The following PRKG1 variants were observed in gnomAD, a reference collection of about 807,000 sequenced individuals.
The protein encoded by PRKG1 is cGMP-dependent protein kinase 1.
In PRKG1, 35 loss-of-function variants were observed where a neutral mutation model predicts 88.1. The ratio of observed to expected loss-of-function variants is 0.40; its 90% confidence interval spans 0.30 to 0.53. The LOEUF (loss-of-function observed/expected upper bound fraction) is 0.53. Among genes scored for constraint, PRKG1 ranks in the 20% least tolerant of loss-of-function variants. PRKG1 has a pLI of 0.59. For missense variants in PRKG1, 540 were observed against 839.8 expected (o/e 0.64, Z 4.41); for synonymous variants, 303 against 292.5 (o/e 1.04, Z -0.37).
intron 3 of PRKG1, among the ~76,000 whole-genome samples, chr10:51,793,902 C>T (rs1838938375): frequency 6.6e-6 from 1 of 152,048 alleles, no homozygotes; most frequent in Admixed American, 6.6e-5. Context: ...GGTGGGATTA[C>T]AGGCATAAGC....
At chr10:51,722,476 G>A (rs10823465) in intron 3 of PRKG1, among the ~76,000 whole-genome samples, 66,913 of 151,310 alleles carry the variant, frequency 0.44, 15,398 homozygotes, top group Middle Eastern at 0.56. Context: ...TTTATATTAT[G>A]TTGATACTTA....
At chr10:51,483,015 T>C (rs865891120) in intron 3 of PRKG1, among the ~76,000 whole-genome samples, 207 of 145,944 alleles carry the variant, frequency 1.4e-3, no homozygotes, top group African/African-American at 4.7e-3. Flanking sequence ...CTTTCTTTTT[T>C]TTTTTTTTTT....
At chr10:51,374,112 A>ATATATATATATATGTG (rs886440031) in intron 2 of PRKG1, among the ~76,000 whole-genome samples, 23 of 143,798 alleles carry the variant, frequency 1.6e-4, no homozygotes, top group African/African-American at 5.8e-4. Context: ...ATATATATAT[A>ATATATATATATATGTG]TGTACTTTAA....
At chr10:51,811,349 C>T (rs1839450848) in intron 4 of PRKG1, among the ~76,000 whole-genome samples, 2 of 152,106 alleles carry the variant, frequency 1.3e-5, no homozygotes, top group African/African-American at 2.4e-5. Context: ...AAAGCCCTTA[C>T]AAGCTTTTCC....
chr10:51,622,772 C>T (rs1023025409), intron 3 of PRKG1, among the ~76,000 whole-genome samples: 1 of 152,148 alleles, frequency 6.6e-6, no homozygotes, highest in Non-Finnish European at 1.5e-5. Context: ...TTTTGGCCAT[C>T]AGACTTTGTC....
chr10:51,622,496 A>G (rs143667463), intron 3 of PRKG1, among the ~76,000 whole-genome samples: 55 of 152,324 alleles, frequency 3.6e-4, no homozygotes, highest in African/African-American at 1.3e-3. Context: ...CAGTCACCCA[A>G]ACTTTCTGCT....
At chr10:51,331,760 A>T (rs1019648011) in intron 2 of PRKG1, among the ~76,000 whole-genome samples, 9 of 152,206 alleles carry the variant, frequency 5.9e-5, no homozygotes, top group African/African-American at 2.2e-4. Context: ...ATCACTGGAG[A>T]GTTCCACTCC....
At chr10:51,611,856 G>A (rs1251888490) in intron 3 of PRKG1, among the ~76,000 whole-genome samples, 2 of 151,960 alleles carry the variant, frequency 1.3e-5, no homozygotes, top group Non-Finnish European at 2.9e-5. Flanking sequence ...TCTGCATATG[G>A]TTAACCAGTT....
At chr10:51,978,886 A>G (rs1488318438) in intron 5 of PRKG1, among the ~76,000 whole-genome samples, 1 of 152,090 alleles carries the variant, frequency 6.6e-6, no homozygotes, top group Non-Finnish European at 1.5e-5. Context: ...TTCTAGGTAT[A>G]GGATTATGTC....
intron 1 of PRKG1, among the ~76,000 whole-genome samples, chr10:51,149,632 A>G (rs1289934109): frequency 1.3e-5 from 2 of 152,180 alleles, no homozygotes; most frequent in Non-Finnish European, 2.9e-5. Context: ...AGAAAGGATT[A>G]TCATGTTGGT....
chr10:52,023,916 A>G (rs1447858595), intron 5 of PRKG1, among the ~76,000 whole-genome samples: 2 of 152,210 alleles, frequency 1.3e-5, no homozygotes, highest in Non-Finnish European at 2.9e-5. Flanking sequence ...CTTTAGCTTA[A>G]TTAAATCCCA....
At chr10:51,394,910 T>A (rs1239240800) in intron 2 of PRKG1, among the ~76,000 whole-genome samples, 1 of 152,188 alleles carries the variant, frequency 6.6e-6, no homozygotes, top group Non-Finnish European at 1.5e-5. Flanking sequence ...TTTTGATATA[T>A]ATACCATGGA....
intron 3 of PRKG1, among the ~76,000 whole-genome samples, chr10:51,683,696 A>C (rs1840908960): frequency 6.6e-6 from 1 of 152,020 alleles, no homozygotes; most frequent in Non-Finnish European, 1.5e-5. Flanking sequence ...TGGAACCTGG[A>C]CCCTGCCATG....
At chr10:51,863,265 C>T (rs1269827791) in intron 4 of PRKG1, among the ~76,000 whole-genome samples, 1 of 152,164 alleles carries the variant, frequency 6.6e-6, no homozygotes, top group African/African-American at 2.4e-5. Context: ...TCCACTGGTG[C>T]ATCTCATATT....
chr10:51,835,455 C>T (rs1369713005), intron 4 of PRKG1, among the ~76,000 whole-genome samples: 1 of 152,154 alleles, frequency 6.6e-6, no homozygotes, highest in African/African-American at 2.4e-5. Context: ...GTCCAGTTTG[C>T]TATTAACAGT....
intron 2 of PRKG1, among the ~76,000 whole-genome samples, chr10:51,415,816 C>A (rs1838219184): frequency 6.6e-6 from 1 of 152,046 alleles, no homozygotes; most frequent in Non-Finnish European, 1.5e-5. Flanking sequence ...ATGATCCAGG[C>A]CCTATGTCCA....
At chr10:51,204,133 T>C (rs1837982891) in intron 2 of PRKG1, among the ~76,000 whole-genome samples, 1 of 152,236 alleles carries the variant, frequency 6.6e-6, no homozygotes, top group South Asian at 2.1e-4. Flanking sequence ...TTTCCCCCTC[T>C]TTATAAAGGA....
chr10:52,158,757 G>T (rs535145203), intron 8 of PRKG1, among the ~76,000 whole-genome samples: 13 of 151,644 alleles, frequency 8.6e-5, no homozygotes, highest in African/African-American at 2.9e-4. Context: ...TCTAAGTAAA[G>T]ATTATTTATT....
At chr10:51,157,366 A>G (rs2131982271) in intron 2 of PRKG1, among the ~76,000 whole-genome samples, 1 of 152,038 alleles carries the variant, frequency 6.6e-6, no homozygotes, top group South Asian at 2.1e-4. Context: ...AGCTCGTTTT[A>G]TGTTTTAATT....
Sources: allele counts gnomAD v4.1 joint callset (sites outside exome capture counted in the v4.1 genomes callset), GRCh38; gene constraint gnomAD v4.1.1; transcripts MANE v1.5; gene names NCBI Gene and HGNC (gene_info 2026-07-23, HGNC 2026-07-21).